L3MBTL3: variants seen among roughly 807,000 people sequenced by gnomAD.
The protein encoded by L3MBTL3 is L3MBTL histone methyl-lysine binding protein 3.
In L3MBTL3, 27 loss-of-function variants were observed where a neutral mutation model predicts 102.3. That is an observed-to-expected ratio of 0.26 (90% CI 0.19 to 0.36). The LOEUF (loss-of-function observed/expected upper bound fraction) is 0.36, where lower values mean the gene tolerates loss of function less well. Among genes scored for constraint, L3MBTL3 ranks in the 10% least tolerant of loss-of-function variants. The pLI is 1.00. For missense variants in L3MBTL3, 798 were observed against 955.3 expected, an observed-to-expected ratio of 0.84 and a Z score of 2.17; for synonymous variants, 340 against 320.9, an observed-to-expected ratio of 1.06 and a Z score of -0.64.
At chr6:130,061,593 A>G (rs572894081) in intron 10 of L3MBTL3, among the ~76,000 whole-genome samples, 2 of 151,336 alleles carry the variant, frequency 1.3e-5, no homozygotes, top group East Asian at 3.9e-4. Flanking sequence ...TACAGTGAGA[A>G]TACTGACACT....
chr6:130,070,707 AT>A (rs1356169808), intron 12 of L3MBTL3: 2 of 276,404 alleles, frequency 7.2e-6, no homozygotes, highest in Non-Finnish European at 1.3e-5. Context: ...GTTAAAATTA[AT>A]TATTTTAAAT....
intron 5 of L3MBTL3, among the ~76,000 whole-genome samples, chr6:130,050,701 A>C (rs541473881): frequency 6.6e-6 from 1 of 152,302 alleles, no homozygotes; most frequent in African/African-American, 2.4e-5. Context: ...ATTGGTGCCT[A>C]ATAACTGCTG....
chr6:130,086,513 T>C (rs1003160359), intron 16 of L3MBTL3, among the ~76,000 whole-genome samples: 1 of 152,172 alleles, frequency 6.6e-6, no homozygotes, highest in African/African-American at 2.4e-5. Flanking sequence ...CACATTAAAG[T>C]AGTATTATAT....
chr6:130,101,644 C>T (rs980673595), intron 18 of L3MBTL3, among the ~76,000 whole-genome samples: 1 of 152,288 alleles, frequency 6.6e-6, no homozygotes, highest in East Asian at 1.9e-4. Flanking sequence ...AGAGCAGTGG[C>T]GTGAGGGCCA....
At chr6:130,053,940 GTAGT>G (rs901110729) in intron 7 of L3MBTL3, among the ~76,000 whole-genome samples, 10 of 152,168 alleles carry the variant, frequency 6.6e-5, no homozygotes, top group Non-Finnish European at 1.0e-4. Flanking sequence ...TGTTTAGGGG[GTAGT>G]TAATCTACAA....
Position 130,139,798 on chromosome 6 carries a change from A to C in L3MBTL3, c.*45A>C. The C allele has an allele frequency of 6.9e-6, 11 of 1,590,620 alleles. No homozygotes were observed. The highest frequency in any genetic ancestry group is 8.6e-6 in the Non-Finnish European group (10 of 1,164,370). On this transcript the variant is annotated 3_prime_UTR_variant, in exon 23 of 23. Coordinates refer to ENST00000361794, the MANE Select transcript of L3MBTL3 (RefSeq NM_032438.4). ...CCATCAGCATTCTGCTTTAAAGCTC[A>C]TGTTTTATTCAAAGCACAAGGACGG...
chr6:130,128,925 G>T (rs1398178212), intron 20 of L3MBTL3, among the ~76,000 whole-genome samples: 5 of 152,208 alleles, frequency 3.3e-5, no homozygotes, highest in African/African-American at 4.8e-5. Flanking sequence ...TGCTGACCCT[G>T]TTGGAGGTGC....
At chr6:130,129,717 G>A (rs957870388) in intron 20 of L3MBTL3, among the ~76,000 whole-genome samples, 1 of 152,118 alleles carries the variant, frequency 6.6e-6, no homozygotes, top group East Asian at 1.9e-4. Flanking sequence ...AGAGTGGTAC[G>A]AAATAGGGTC....
At chr6:130,032,707 C>G (rs184255411) in intron 2 of L3MBTL3, among the ~76,000 whole-genome samples, 1 of 152,304 alleles carries the variant, frequency 6.6e-6, no homozygotes, top group East Asian at 1.9e-4. Context: ...TTCAAGAGAT[C>G]AGGCTGGGCG....
chr6:130,056,891 A>G (rs999789602), intron 8 of L3MBTL3, among the ~76,000 whole-genome samples: 2 of 152,034 alleles, frequency 1.3e-5, no homozygotes, highest in African/African-American at 4.8e-5. Flanking sequence ...CATTTCCAGT[A>G]TTTGTCAAAT....
intron 16 of L3MBTL3, among the ~76,000 whole-genome samples, chr6:130,090,200 A>G (rs1441291037): frequency 6.6e-6 from 1 of 151,510 alleles, no homozygotes. Context: ...TTAAGCACAT[A>G]TATATATATA....
chr6:130,059,972 T>C, intron 9 of L3MBTL3, 64 bp from the exon 10 acceptor site: 1 of 837,232 alleles, frequency 1.2e-6, no homozygotes, highest in Non-Finnish European at 2.0e-6. Context: ...AAATGGTAAC[T>C]ATTTACATCT....
chr6:130,130,852 G>A lies in L3MBTL3; in HGVS notation c.1967-2600G>A, dbSNP rs145736805. 2.9e-3 allele frequency among the ~76,000 whole-genome samples: 439 copies of A among 152,286 alleles called. 2 individuals are homozygous for A. The highest frequency in any genetic ancestry group is 9.9e-3 in the African/African-American group (413 of 41,554). The stretch of plus-strand genomic sequence containing the variant: ...AGTGGGTGTCAACTCCAGTAAAATA[G>A]ATTTTTGACTCAGCATAGTGACTTT... On this transcript the variant is annotated intron_variant, in intron 20 of 22. Coordinates refer to ENST00000361794, the MANE Select transcript of L3MBTL3 (RefSeq NM_032438.4).
intron 12 of L3MBTL3, 93 bp downstream of exon 12, chr6:130,068,514 A>G: frequency 1.5e-6 from 1 of 668,228 alleles, no homozygotes; most frequent in South Asian, 1.9e-5. Context: ...GAACTATAAT[A>G]AATTTTATCG....
In L3MBTL3 at chr6:130,055,267, A is replaced by C. The variant is rs1480778951; in HGVS notation, c.667+12A>C. 1 of 1,596,994 alleles carries C rather than the reference A, an allele frequency of 6.3e-7. No homozygotes were observed. The highest frequency in any genetic ancestry group is 1.7e-5 in the Admixed American group (1 of 57,488). On this transcript the variant is annotated intron_variant, in intron 8 of 22. Transcript: ENST00000361794. Reference sequence around the variant, plus strand: ...TGTACTAAAGCAGGGTGAGCTGATGAAAATAAAGTCTTACTTGTAACTTTA... The same window carrying C: ...TGTACTAAAGCAGGGTGAGCTGATGCAAATAAAGTCTTACTTGTAACTTTA...
intron 19 of L3MBTL3, among the ~76,000 whole-genome samples, chr6:130,107,695 C>T (rs1023005107): frequency 6.6e-5 from 10 of 152,164 alleles, no homozygotes; most frequent in Admixed American, 1.3e-4. Context: ...CAAATGCTGT[C>T]AGTGATGCCA....
At chr6:130,098,360 G>C (rs1562308915) in intron 18 of L3MBTL3, among the ~76,000 whole-genome samples, 1 of 152,112 alleles carries the variant, frequency 6.6e-6, no homozygotes, top group Non-Finnish European at 1.5e-5. Flanking sequence ...ATAGAGGAGA[G>C]GGTCCCTCCT....
At position 130,133,982 on chromosome 6, in the gene L3MBTL3, G is replaced by A; in HGVS notation, c.2199+77G>A. Reference sequence around the variant, plus strand: ...AAATGCAGTGGAAGGTGAAATGTGTGGAATTGGCAGAGTCAAAAAGAGATG... The same window carrying A: ...AAATGCAGTGGAAGGTGAAATGTGTAGAATTGGCAGAGTCAAAAAGAGATG... On this transcript the variant is annotated intron_variant, in intron 22 of 22. Coordinates refer to ENST00000361794, the MANE Select transcript of L3MBTL3 (RefSeq NM_032438.4). This position sits in a 1 kb window ranked among gnomAD's most constrained non-coding sequence, Gnocchi z 4.9. 8.6e-7 allele frequency: 1 copy of A among 1,163,932 alleles called. No homozygotes were observed. Among genetic ancestry groups the A allele is most frequent in the South Asian group, 1.2e-5 (1 of 80,716 alleles). The allele number at this position is 1,163,932 out of a possible 1,614,324, so 72.1% of individuals were successfully genotyped here.
chr6:130,114,686 C>T (rs1785551560), intron 19 of L3MBTL3, among the ~76,000 whole-genome samples: 1 of 152,122 alleles, frequency 6.6e-6, no homozygotes, highest in Non-Finnish European at 1.5e-5. Context: ...ATTAGATACA[C>T]AGTAAACCAT....
Sources: allele counts gnomAD v4.1 joint callset (sites outside exome capture counted in the v4.1 genomes callset), GRCh38; gene constraint gnomAD v4.1.1; non-coding constraint Gnocchi (gnomAD v3.1); transcripts MANE v1.5; gene names NCBI Gene and HGNC (gene_info 2026-07-23, HGNC 2026-07-21).